The following SLC12A2 variants were observed in gnomAD, a reference collection of about 807,000 sequenced individuals.
The protein encoded by SLC12A2 is Na-K-2Cl cotransporter 1.
A neutral mutation model predicts 136.3 loss-of-function variants in SLC12A2; 67 were observed. That is an observed-to-expected ratio of 0.49 (90% CI 0.40 to 0.60). The LOEUF (loss-of-function observed/expected upper bound fraction) is 0.60. SLC12A2 is among the 20% of genes least tolerant of loss of function. SLC12A2 has a pLI of 0.00. For missense variants in SLC12A2, 1,322 were observed against 1,534.7 expected, an observed-to-expected ratio of 0.86 and a Z score of 2.32; for synonymous variants, 619 against 562.9, an observed-to-expected ratio of 1.10 and a Z score of -1.41.
At position 128,098,010 on chromosome 5, in the gene SLC12A2, A is replaced by G. The variant is rs184931706; in HGVS notation, c.756+13300A>G. Among the ~76,000 whole-genome samples the G allele has an allele frequency of 1.4e-3, 220 of 152,132 alleles. 1 individual carries two copies. Among genetic ancestry groups the G allele is most frequent in the African/African-American group, 5.1e-3 (213 of 41,544 alleles). On this transcript the variant is annotated intron_variant, in intron 1 of 26. Coordinates refer to ENST00000262461, the MANE Select transcript of SLC12A2 (RefSeq NM_001046.3). Reference sequence around the variant, plus strand: ...TTCAGCCTTTTCAGTATGCCATTTCAATGTCTTCTGGCCTTTGGTGTTTCT... The same window carrying G: ...TTCAGCCTTTTCAGTATGCCATTTCGATGTCTTCTGGCCTTTGGTGTTTCT...
intron 7 of SLC12A2, among the ~76,000 whole-genome samples, chr5:128,137,195 A>C (rs1315643984): frequency 1.3e-5 from 2 of 152,204 alleles, no homozygotes; most frequent in Non-Finnish European, 2.9e-5. Flanking sequence ...TTTAACTTTT[A>C]TAAAATATTC....
At chr5:128,186,223 A>G (rs1208460188) in intron 26 of SLC12A2, among the ~76,000 whole-genome samples, 2 of 152,170 alleles carry the variant, frequency 1.3e-5, no homozygotes, top group African/African-American at 4.8e-5. Flanking sequence ...GTAGTAGGCT[A>G]TACCATCTAG....
chr5:128,127,224 C>T (rs1406476615), intron 4 of SLC12A2, among the ~76,000 whole-genome samples: 1 of 143,462 alleles, frequency 7.0e-6, no homozygotes, highest in Non-Finnish European at 1.5e-5. Context: ...CGGGTTCGTG[C>T]CATTCTCCTG....
Position 128,125,306 on chromosome 5 carries a change from T to C in SLC12A2, c.1049-5761T>C, listed in dbSNP as rs115371928. The stretch of plus-strand genomic sequence containing the variant: ...CTTACTGCGTGTGAAATGAGAAGTT[T>C]AGTACCAGGATTCTATGAGGCCACA... On this transcript the variant is annotated intron_variant, in intron 4 of 26. Coordinates refer to ENST00000262461, the MANE Select transcript of SLC12A2 (RefSeq NM_001046.3). Among the ~76,000 whole-genome samples, 396 of 152,296 alleles carry C rather than the reference T, an allele frequency of 2.6e-3. 1 individual carries two copies. The highest frequency in any genetic ancestry group is 9.1e-3 in the African/African-American group (377 of 41,554).
intron 4 of SLC12A2, among the ~76,000 whole-genome samples, chr5:128,115,581 A>G (rs912061656): frequency 6.6e-6 from 1 of 152,222 alleles, no homozygotes. Context: ...CCTGAAAACA[A>G]GAAGAAAAGA....
chr5:128,139,325 T>C (rs537186866), intron 9 of SLC12A2, among the ~76,000 whole-genome samples: 1 of 152,092 alleles, frequency 6.6e-6, no homozygotes, highest in African/African-American at 2.4e-5. Context: ...AAGCAATGCT[T>C]GGCAATTTTT....
chr5:128,174,613 A>T lies in SLC12A2; in HGVS notation c.2876A>T (p.Lys959Met). The T allele has an allele frequency of 6.2e-7, 1 of 1,609,582 alleles. No individual in the cohort carries two copies. The highest frequency in any genetic ancestry group is 8.5e-7 in the Non-Finnish European group (1 of 1,177,500). The change falls in exon 20 of 27, where the codon AAG becomes ATG. Residue 959 changes from lysine to methionine, a missense_variant. By Grantham distance (95) the Lys-to-Met change is moderately conservative. Around this residue, in one of 8 missense-constraint regions of SLC12A2, gnomAD observed 226 missense variants for 210.4 expected, o/e 1.07. Transcript: ENST00000262461. ...DVVVSVEYSKKSDLDTSKPLS... is the reference protein window; with the variant it reads ...DVVVSVEYSKMSDLDTSKPLS... ...GTAGTAAGTGTGGAATATAGTAAAA[A>T]GTCCGATTTAGATACTTCCAAACCA... is the stretch of plus-strand genomic sequence containing the variant.
chr5:128,126,674 T>C (rs1225836336), intron 4 of SLC12A2, among the ~76,000 whole-genome samples: 1 of 152,080 alleles, frequency 6.6e-6, no homozygotes, highest in Non-Finnish European at 1.5e-5. Context: ...CCTCTTTTTC[T>C]TGCCTTTTGA....
At chr5:128,103,612 C>A (rs1018991096) in intron 1 of SLC12A2, among the ~76,000 whole-genome samples, 5 of 152,022 alleles carry the variant, frequency 3.3e-5, no homozygotes, top group African/African-American at 1.2e-4. Flanking sequence ...TGATATGTGT[C>A]ATGAAAGAAA....
chr5:128,162,718 A>T (rs1763079311), intron 17 of SLC12A2, among the ~76,000 whole-genome samples: 1 of 152,208 alleles, frequency 6.6e-6, no homozygotes, highest in African/African-American at 2.4e-5. Flanking sequence ...AGCGAAAGAT[A>T]TGAACAGAGA....
chr5:128,103,435 T>G (rs1353092901), intron 1 of SLC12A2, among the ~76,000 whole-genome samples: 2 of 152,222 alleles, frequency 1.3e-5, no homozygotes, highest in African/African-American at 4.8e-5. Context: ...TTTCAGGACA[T>G]TATTTGGAAA....
chr5:128,173,790 G>C (rs1263821432), intron 19 of SLC12A2, among the ~76,000 whole-genome samples: 1 of 152,138 alleles, frequency 6.6e-6, no homozygotes, highest in Admixed American at 6.5e-5. Context: ...GAGGATTATG[G>C]ACATACTATC....
Position 128,114,651 on chromosome 5 carries a change from G to T in SLC12A2, c.1018G>T (p.Ala340Ser). 2 of 1,611,060 alleles carry T rather than the reference G, an allele frequency of 1.2e-6. No homozygotes were observed. The highest frequency in any genetic ancestry group is 1.7e-6 in the Non-Finnish European group (2 of 1,177,468). The change falls in exon 4 of 27, where the codon GCA becomes TCA. Residue 340 changes from alanine (A) to serine (S), a missense_variant. By Grantham distance (99) the Ala-to-Ser change is moderately conservative. This residue lies in a region of SLC12A2 where 71 missense variants were observed against 131.0 expected (regional missense o/e 0.54). Coordinates refer to ENST00000262461, the MANE Select transcript of SLC12A2 (RefSeq NM_001046.3). ...AACTATCACAGGATTGTCTACTTCAGCAATAGCAACTAATGGATTTGTAAG... is the reference window on the plus strand; with the variant it reads ...AACTATCACAGGATTGTCTACTTCATCAATAGCAACTAATGGATTTGTAAG... ...VTTITGLSTS[A>S]IATNGFVRGG...
rs1419668514 is a variant in SLC12A2 at position 128,168,751 on chromosome 5, C to G, written c.2723+884C>G. On this transcript the variant is annotated intron_variant, in intron 18 of 26. Coordinates refer to ENST00000262461, the MANE Select transcript of SLC12A2 (RefSeq NM_001046.3). ...GCAGTTCATAATAAAGTTTGCACTC[C>G]TTTGAGCAATTGGTGCCGCTGCTGA... 3 of 152,094 alleles carry G rather than the reference C, an allele frequency of 2.0e-5. No individual in the cohort carries two copies. In the East Asian group the frequency reaches 5.8e-4, roughly 29 times the overall value. The allele number at this position is 152,094 out of a possible 1,614,324, so 9.4% of individuals were successfully genotyped here.
chr5:128,126,250 A>C (rs945411591), intron 4 of SLC12A2, among the ~76,000 whole-genome samples: 1 of 152,230 alleles, frequency 6.6e-6, no homozygotes, highest in Non-Finnish European at 1.5e-5. Flanking sequence ...ATCCAGTTTA[A>C]AAATGGGTAA....
At chr5:128,167,708 A>G in intron 17 of SLC12A2, 53 bp from the exon 18 acceptor site, 1 of 1,296,804 alleles carries the variant, frequency 7.7e-7, no homozygotes, top group South Asian at 1.3e-5. Context: ...ACTTCAGAAA[A>G]CATTTTGTTG....
intron 17 of SLC12A2, 121 bp from the exon 18 acceptor site, chr5:128,167,640 T>C (rs1322495311): frequency 5.2e-6 from 3 of 579,936 alleles, no homozygotes; most frequent in Non-Finnish European, 9.0e-6. Context: ...TATGGAATGC[T>C]GAAGAATTTT....
intron 1 of SLC12A2, among the ~76,000 whole-genome samples, chr5:128,111,222 A>C (rs902015888): frequency 1.3e-5 from 2 of 152,214 alleles, no homozygotes; most frequent in Non-Finnish European, 2.9e-5. Flanking sequence ...CAATTATTGC[A>C]TCTGGCTTAT....
chr5:128,112,597 G>T (rs1209282166), intron 1 of SLC12A2, among the ~76,000 whole-genome samples: 1 of 152,172 alleles, frequency 6.6e-6, no homozygotes, highest in East Asian at 1.9e-4. Flanking sequence ...TACTGTCATA[G>T]TGAGACTTAA....
Sources: allele counts gnomAD v4.1 joint callset (sites outside exome capture counted in the v4.1 genomes callset), GRCh38; gene constraint gnomAD v4.1.1; regional missense constraint gnomAD v4.1.1; transcripts MANE v1.5; gene names NCBI Gene and HGNC (gene_info 2026-07-23, HGNC 2026-07-21).